MYO9A: variants seen among roughly 807,000 people sequenced by gnomAD.
MYO9A encodes unconventional myosin-IXa.
A neutral mutation model predicts 293.3 loss-of-function variants in MYO9A; 103 were observed. That is an observed-to-expected ratio of 0.35 (90% CI 0.30 to 0.41). MYO9A has a LOEUF of 0.41. Among genes scored for constraint, MYO9A ranks in the 10% least tolerant of loss-of-function variants. MYO9A has a pLI of 1.00. For missense variants in MYO9A, 2,685 were observed against 3,033.0 expected (o/e 0.89, Z 2.69); for synonymous variants, 1,001 against 1,035.7 (o/e 0.97, Z 0.64).
intron 19 of MYO9A, among the ~76,000 whole-genome samples, 167 bp downstream of exon 19, chr15:71,916,201 CTT>C (rs879077149): frequency 1.8e-3 from 271 of 147,054 alleles, no homozygotes; most frequent in Non-Finnish European, 2.2e-3. Flanking sequence ...AGGCATCTGA[CTT>C]TTTTTTTTTC....
At chr15:71,932,807 G>A (rs1162657299) in intron 18 of MYO9A, among the ~76,000 whole-genome samples, 3 of 151,928 alleles carry the variant, frequency 2.0e-5, no homozygotes, top group Admixed American at 1.3e-4. Context: ...ATTCATTCAC[G>A]TTGTTACACG....
At chr15:71,927,978 T>C (rs1227220690) in intron 18 of MYO9A, among the ~76,000 whole-genome samples, 3 of 132,690 alleles carry the variant, frequency 2.3e-5, no homozygotes, top group Admixed American at 1.6e-4. Flanking sequence ...TTGGTTAATG[T>C]ATATTTTCTT....
Position 71,898,233 on chromosome 15 carries a change from G to T in MYO9A, c.4270C>A (p.Pro1424Thr), listed in dbSNP as rs763721427. The stretch of plus-strand genomic sequence containing the variant: ...TTTGTTTTCAGTGGGTCTTGTTGGG[G>T]GATATAAAAAAAAGTAGGTAGACTA... The part of the protein sequence containing the change: ...SNSLPTFFYI[P>T]QQDPLKTNSQ... Residue 1424 changes from proline to threonine, a missense_variant, in exon 25 of 42, where the codon CCC (proline) becomes ACC (threonine). Coordinates refer to ENST00000356056, the MANE Select transcript of MYO9A (RefSeq NM_006901.4). The T allele has an allele frequency of 1.2e-6, 2 of 1,613,808 alleles. No individual in the cohort carries two copies. The highest frequency in any genetic ancestry group is 1.7e-5 in the Admixed American group (1 of 59,968).
intron 1 of MYO9A, chr15:72,114,211 C>T (rs1277509276): frequency 6.6e-6 from 1 of 152,128 alleles, no homozygotes; most frequent in Non-Finnish European, 1.5e-5. Context: ...TAACTTGAGT[C>T]TCTTCCCTCC....
At chr15:71,888,240 G>C (rs1417971853) in intron 26 of MYO9A, 124 bp from the exon 27 acceptor site, 1 of 504,222 alleles carries the variant, frequency 2.0e-6, no homozygotes, top group Non-Finnish European at 3.5e-6. Flanking sequence ...ATATTATTCA[G>C]AGATTCATTG....
chr15:72,080,356 TAAGGAC>T (rs796555658), intron 1 of MYO9A, among the ~76,000 whole-genome samples: 33 of 150,414 alleles, frequency 2.2e-4, no homozygotes, highest in African/African-American at 8.1e-4. Flanking sequence ...TTTTCCTTGA[TAAGGAC>T]AAATATGGCC....
chr15:71,885,164 C>G (rs2056983657), intron 27 of MYO9A, among the ~76,000 whole-genome samples: 1 of 152,014 alleles, frequency 6.6e-6, no homozygotes, highest in African/African-American at 2.4e-5. Flanking sequence ...CTATCATACT[C>G]ATGGCCACAG....
chr15:71,869,754 A>G (rs2056448812), intron 32 of MYO9A, among the ~76,000 whole-genome samples: 2 of 152,306 alleles, frequency 1.3e-5, no homozygotes, highest in Middle Eastern at 6.8e-3. Context: ...CTGCTAGAAC[A>G]AGTTGGTAGA....
At chr15:71,893,996 T>C (rs1206977323) in intron 25 of MYO9A, among the ~76,000 whole-genome samples, 1 of 152,184 alleles carries the variant, frequency 6.6e-6, no homozygotes, top group Non-Finnish European at 1.5e-5. Context: ...GATCAGTGGG[T>C]ATATTCCACT....
At chr15:71,878,693 T>C (rs1179388963) in intron 30 of MYO9A, among the ~76,000 whole-genome samples, 2 of 151,916 alleles carry the variant, frequency 1.3e-5, no homozygotes, top group Admixed American at 6.6e-5. Context: ...ATCATATTAT[T>C]TGCAAGGAAC....
chr15:71,990,366 T>C (rs184742443), intron 11 of MYO9A, among the ~76,000 whole-genome samples: 20 of 152,210 alleles, frequency 1.3e-4, no homozygotes, highest in African/African-American at 3.8e-4. Context: ...ATTGTCAGCT[T>C]GAGCCACCAT....
At chr15:71,876,904 A>G (rs2056711939) in intron 31 of MYO9A, among the ~76,000 whole-genome samples, 1 of 152,196 alleles carries the variant, frequency 6.6e-6, no homozygotes, top group African/African-American at 2.4e-5. Flanking sequence ...TTTTAAACTT[A>G]AAAACAAACG....
intron 18 of MYO9A, among the ~76,000 whole-genome samples, chr15:71,924,087 G>C (rs945399706): frequency 1.3e-5 from 2 of 151,434 alleles, no homozygotes; most frequent in Non-Finnish European, 2.9e-5. Flanking sequence ...TTCCCTTTTA[G>C]TATCTCCTTT....
In MYO9A at chr15:71,846,961, G is replaced by A. The variant is rs571565444; in HGVS notation, c.6837+1884C>T. The stretch of plus-strand genomic sequence containing the variant: ...TTTCTACATCTGGGAGGACACCATC[G>A]GAGTCACAGATATGAATGGACAAAT... On this transcript the variant is annotated intron_variant, in intron 39 of 41. Transcript: ENST00000356056. Among the ~76,000 whole-genome samples the A allele has an allele frequency of 6.6e-5, 10 of 152,266 alleles. No homozygotes were observed. The South Asian group carries it at 1.5e-3, about 22-fold the overall frequency.
At chr15:71,912,239 T>C (rs994735806) in intron 19 of MYO9A, among the ~76,000 whole-genome samples, 8 of 151,726 alleles carry the variant, frequency 5.3e-5, no homozygotes, top group Non-Finnish European at 7.4e-5. Context: ...CTATAGCCAA[T>C]TATTTTAAAA....
chr15:72,015,684 T>A (rs1371950437), intron 6 of MYO9A, among the ~76,000 whole-genome samples: 2 of 64,384 alleles, frequency 3.1e-5, no homozygotes, highest in Admixed American at 2.9e-4. Context: ...TCAGATCAGG[T>A]TTTTTTTTTT....
intron 1 of MYO9A, among the ~76,000 whole-genome samples, chr15:72,106,093 A>G (rs1457722659): frequency 1.3e-5 from 2 of 152,182 alleles, no homozygotes; most frequent in African/African-American, 4.8e-5. Context: ...TTTATTTTTG[A>G]AAGAAAAATA....
At chr15:71,850,246 G>A in intron 37 of MYO9A, 79 bp from the exon 38 acceptor site, 6 of 1,520,442 alleles carry the variant, frequency 3.9e-6, no homozygotes, top group Non-Finnish European at 5.4e-6. Context: ...CAGAAGAGAT[G>A]AGCAAAAGAA....
At chr15:71,851,408 G>A in intron 36 of MYO9A, 50 bp from the exon 37 acceptor site, 2 of 1,412,858 alleles carry the variant, frequency 1.4e-6, no homozygotes, top group South Asian at 2.5e-5. Context: ...CCCTTATACA[G>A]TGTATCTTCC....
Sources: gnomAD v4.1 joint callset for allele counts (sites outside exome capture counted in the v4.1 genomes callset) on GRCh38, gnomAD v4.1.1 for gene constraint, MANE v1.5 for transcripts, NCBI Gene and HGNC (gene_info 2026-07-23, HGNC 2026-07-21) for gene names.